RNF38: variants seen among roughly 807,000 people sequenced by gnomAD.
The protein encoded by RNF38 is ring finger protein 38, also known as E3 ubiquitin-protein ligase RNF38.
In RNF38, 15 loss-of-function variants were observed where a neutral mutation model predicts 67.2. That is an observed-to-expected ratio of 0.22 (90% CI 0.15 to 0.34). RNF38 has a LOEUF of 0.34. RNF38 is among the 10% of genes least tolerant of loss of function. The pLI is 1.00. For synonymous variants in RNF38, 220 were observed against 218.8 expected, an observed-to-expected ratio of 1.01 and a Z score of -0.05; for missense variants, 524 against 639.9, an observed-to-expected ratio of 0.82 and a Z score of 1.95.
At chr9:36,370,101 T>C (rs1294618691) in intron 3 of RNF38, among the ~76,000 whole-genome samples, 169 bp from the exon 4 acceptor site, 1 of 152,158 alleles carries the variant, frequency 6.6e-6, no homozygotes, top group Non-Finnish European at 1.5e-5. Context: ...AAATACAAGG[T>C]ATATGTTTTA....
chr9:36,360,310 T>C (rs1000365302), intron 4 of RNF38, among the ~76,000 whole-genome samples: 2 of 152,216 alleles, frequency 1.3e-5, no homozygotes, highest in Non-Finnish European at 2.9e-5. Context: ...GAAGATAATT[T>C]TTATCTATAT....
At position 36,338,484 on chromosome 9, in the gene RNF38, GT is replaced by G. The variant is rs1365321033; in HGVS notation, c.*1267del. 1 of 152,192 alleles carries G rather than the reference GT, an allele frequency of 6.6e-6. No homozygotes were observed. The highest frequency in any genetic ancestry group is 6.5e-5 in the Admixed American group (1 of 15,276). The allele number at this position is 152,192 out of a possible 1,614,324, so 9.4% of individuals were successfully genotyped here. ...GCACTTGATCCATCCTGAAACCAGGGTTTCGATGAGAAGCACGTGTGATGAA... is the reference window on the plus strand; with the variant it reads ...GCACTTGATCCATCCTGAAACCAGGGTTCGATGAGAAGCACGTGTGATGAA... On this transcript the variant is annotated 3_prime_UTR_variant, in exon 12 of 12. Transcript: ENST00000259605.
chr9:36,443,501 G>GCA (rs1192736578), intron 1 of RNF38, among the ~76,000 whole-genome samples: 1 of 152,138 alleles, frequency 6.6e-6, no homozygotes, highest in Non-Finnish European at 1.5e-5. Flanking sequence ...TTATTTATAT[G>GCA]CACAATACAA....
chr9:36,390,007 A>T (rs1836949873), intron 2 of RNF38, among the ~76,000 whole-genome samples: 1 of 152,224 alleles, frequency 6.6e-6, no homozygotes, highest in South Asian at 2.1e-4. Context: ...TTTAAAAAAA[A>T]ATTTTTAACT....
intron 3 of RNF38, among the ~76,000 whole-genome samples, chr9:36,371,926 TTTC>T (rs1835408401): frequency 6.6e-6 from 1 of 150,544 alleles, no homozygotes; most frequent in Non-Finnish European, 1.5e-5. Flanking sequence ...GAACTCACTT[TTTC>T]TTTTCTTTTT....
intron 1 of RNF38, among the ~76,000 whole-genome samples, chr9:36,485,679 C>T (rs1226987923): frequency 6.6e-6 from 1 of 152,098 alleles, no homozygotes; most frequent in African/African-American, 2.4e-5. Context: ...CCCAAAGCAC[C>T]CTGCCAACAG....
intron 1 of RNF38, among the ~76,000 whole-genome samples, chr9:36,482,412 G>A (rs1286631581): frequency 1.4e-5 from 2 of 145,786 alleles, no homozygotes; most frequent in Admixed American, 7.1e-5. Context: ...GAGTGCAGTG[G>A]CGTGATCTCA....
intron 1 of RNF38, among the ~76,000 whole-genome samples, chr9:36,448,943 A>G (rs1839372746): frequency 6.6e-6 from 1 of 152,130 alleles, no homozygotes; most frequent in South Asian, 2.1e-4. Context: ...GCAGTGAGCC[A>G]AGATTGTGCC....
Position 36,382,427 on chromosome 9 carries a change from C to T in RNF38, c.163-6300G>A, listed in dbSNP as rs138436461. On this transcript the variant is annotated intron_variant, in intron 2 of 11. Transcript: ENST00000259605. ...ACCATTTTTATTACCAAAACATCAACAGAAGTGAAATGAACCTGAGGCAGG... is the reference window on the plus strand; with the variant it reads ...ACCATTTTTATTACCAAAACATCAATAGAAGTGAAATGAACCTGAGGCAGG... Among the ~76,000 whole-genome samples, 174 of 152,204 alleles carry T rather than the reference C, an allele frequency of 1.1e-3. 5 individuals carry two copies. The highest frequency in any genetic ancestry group is 0.01 in the East Asian group (54 of 5,186).
At chr9:36,474,373 G>A (rs1303670003) in intron 1 of RNF38, among the ~76,000 whole-genome samples, 1 of 148,816 alleles carries the variant, frequency 6.7e-6, no homozygotes, top group African/African-American at 2.5e-5. Flanking sequence ...TTTCTCAGGA[G>A]AGACAAAGGC....
At chr9:36,414,092 G>A (rs1425786665) in intron 2 of RNF38, among the ~76,000 whole-genome samples, 1 of 152,130 alleles carries the variant, frequency 6.6e-6, no homozygotes, top group Non-Finnish European at 1.5e-5. Context: ...CATTTGCATG[G>A]AATATCTTTT....
intron 2 of RNF38, among the ~76,000 whole-genome samples, chr9:36,409,641 C>CT (rs1390644833): frequency 6.6e-6 from 1 of 152,192 alleles, no homozygotes; most frequent in African/African-American, 2.4e-5. Flanking sequence ...CTATAGAAGT[C>CT]TAACATCTTG....
chr9:36,358,330 A>C (rs1490350694), intron 4 of RNF38, among the ~76,000 whole-genome samples: 2 of 152,238 alleles, frequency 1.3e-5, no homozygotes, highest in East Asian at 3.8e-4. Context: ...AACAATGTAA[A>C]GTATATTTTT....
At chr9:36,399,296 T>A (rs898730673) in intron 1 of RNF38, among the ~76,000 whole-genome samples, 2 of 152,108 alleles carry the variant, frequency 1.3e-5, no homozygotes, top group Non-Finnish European at 1.5e-5. Flanking sequence ...CAACTTTTTT[T>A]ATATTTTACA....
chr9:36,483,046 T>G (rs1467819605), intron 1 of RNF38, among the ~76,000 whole-genome samples: 1 of 152,162 alleles, frequency 6.6e-6, no homozygotes, highest in African/African-American at 2.4e-5. Flanking sequence ...GAAACAGGTA[T>G]CCTTTTGCTG....
At chr9:36,482,698 GCC>G (rs1385103360) in intron 1 of RNF38, among the ~76,000 whole-genome samples, 1 of 152,232 alleles carries the variant, frequency 6.6e-6, no homozygotes, top group East Asian at 1.9e-4. Context: ...TATTTCTCCA[GCC>G]TCATAACAAA....
Position 36,444,559 on chromosome 9 carries a change from G to C in RNF38, n.242-19876C>G, listed in dbSNP as rs1839260022. Among the ~76,000 whole-genome samples the C allele has an allele frequency of 2.0e-5, 3 of 152,174 alleles. No homozygotes were observed. In the South Asian group the frequency reaches 6.2e-4, roughly 32 times the overall value. ...ACATGCCTGTAATCCCAGCACTTTGGGAGGTTGAAACAGGCAGATCATTTG... is the reference window on the plus strand; with the variant it reads ...ACATGCCTGTAATCCCAGCACTTTGCGAGGTTGAAACAGGCAGATCATTTG... On this transcript the variant is annotated intron_variant and non_coding_transcript_variant, in intron 1 of 3. Transcript: ENST00000488058.
chr9:36,358,284 G>C (rs1178180809), intron 4 of RNF38, among the ~76,000 whole-genome samples: 1 of 152,074 alleles, frequency 6.6e-6, no homozygotes, highest in African/African-American at 2.4e-5. Context: ...CCATTATTTG[G>C]TCACATTCAA....
chr9:36,357,765 A>G lies in RNF38; in HGVS notation c.738+10T>C. ...AGTAATATCTAATGAGAACAAAGATAGAGACTTACTGGAGGAGGCACACTA... is the reference window on the plus strand; with the variant it reads ...AGTAATATCTAATGAGAACAAAGATGGAGACTTACTGGAGGAGGCACACTA... On this transcript the variant is annotated intron_variant, in intron 5 of 11. Coordinates refer to ENST00000259605, the MANE Select transcript of RNF38 (RefSeq NM_022781.5). The G allele has an allele frequency of 6.2e-7, 1 of 1,611,412 alleles. No individual in the cohort carries two copies. The highest frequency in any genetic ancestry group is 8.5e-7 in the Non-Finnish European group (1 of 1,178,192).
Sources: gnomAD v4.1 joint callset for allele counts (sites outside exome capture counted in the v4.1 genomes callset) on GRCh38, gnomAD v4.1.1 for gene constraint, MANE v1.5 for transcripts, NCBI Gene and HGNC (gene_info 2026-07-23, HGNC 2026-07-21) for gene names.